Variants in CDH13 observed in about 807,000 individuals in gnomAD.
The protein encoded by CDH13 is cadherin 13.
CDH13 carries 24 observed loss-of-function variants against 63.8 expected under a neutral mutation model. That is an observed-to-expected ratio of 0.38 (90% CI 0.27 to 0.53). CDH13 has a LOEUF of 0.53. Among genes scored for constraint, CDH13 ranks in the 20% least tolerant of loss-of-function variants. The pLI is 0.85. For synonymous variants in CDH13, 503 were observed against 355.3 expected (o/e 1.42, Z -4.67); for missense variants, 1,049 against 903.1 (o/e 1.16, Z -2.07).
At position 83,602,611 on chromosome 16, in the gene CDH13, A is replaced by G. The variant is rs770619239; in HGVS notation, c.1101+17A>G. On this transcript the variant is annotated intron_variant, in intron 8 of 13. Transcript: ENST00000567109. Reference sequence around the variant, plus strand: ...AAGAAAGAGGTAAACCCCTGTGCCAAACACCAACCACCACTGTGGTCACAG... The same window carrying G: ...AAGAAAGAGGTAAACCCCTGTGCCAGACACCAACCACCACTGTGGTCACAG... The G allele has an allele frequency of 6.8e-6, 11 of 1,613,594 alleles. No individual in the cohort carries two copies. The highest frequency in any genetic ancestry group is 9.3e-6 in the Non-Finnish European group (11 of 1,179,538).
intron 3 of CDH13, among the ~76,000 whole-genome samples, chr16:83,049,413 C>T (rs1041035708): frequency 6.9e-6 from 1 of 144,822 alleles, no homozygotes; most frequent in East Asian, 2.1e-4. Context: ...CTATTCACTG[C>T]AAGCTCCACC....
chr16:82,785,291 G>T (rs2035952918), intron 1 of CDH13, among the ~76,000 whole-genome samples: 1 of 152,154 alleles, frequency 6.6e-6, no homozygotes, highest in African/African-American at 2.4e-5. Flanking sequence ...TTGGCACTTG[G>T]CTCATTTGAA....
At chr16:83,470,290 C>T (rs2073421622) in intron 6 of CDH13, among the ~76,000 whole-genome samples, 1 of 152,152 alleles carries the variant, frequency 6.6e-6, no homozygotes, top group Non-Finnish European at 1.5e-5. Flanking sequence ...CTCCTGAGCT[C>T]AAACAATCCT....
chr16:82,974,448 G>C (rs3859085), intron 2 of CDH13, among the ~76,000 whole-genome samples: 8,834 of 152,194 alleles, frequency 0.058, 281 homozygotes, highest in Non-Finnish European at 0.077. Flanking sequence ...AGGTTCCTTG[G>C]CTTATATTTG....
At chr16:83,777,106 C>T (rs1439111112) in intron 11 of CDH13, among the ~76,000 whole-genome samples, 1 of 152,242 alleles carries the variant, frequency 6.6e-6, no homozygotes, top group African/African-American at 2.4e-5. Context: ...GCTCGAGCTG[C>T]ACACATCATG....
chr16:82,694,526 C>T (rs74757718), intron 1 of CDH13, among the ~76,000 whole-genome samples: 4 of 152,118 alleles, frequency 2.6e-5, no homozygotes, highest in Admixed American at 6.5e-5. Flanking sequence ...TATGATTATA[C>T]TAAGACTATA....
intron 10 of CDH13, among the ~76,000 whole-genome samples, chr16:83,745,935 A>T (rs939147779): frequency 6.6e-6 from 1 of 152,090 alleles, no homozygotes; most frequent in Non-Finnish European, 1.5e-5. Context: ...CTGAGTCACT[A>T]AGTTAGCTGG....
chr16:83,064,293 C>G (rs565680154), intron 3 of CDH13, among the ~76,000 whole-genome samples: 1 of 152,014 alleles, frequency 6.6e-6, no homozygotes, highest in South Asian at 2.1e-4. Context: ...CGCTTGAACC[C>G]GGGAGGTGGA....
chr16:82,676,385 A>G (rs894694393), intron 1 of CDH13, among the ~76,000 whole-genome samples: 3 of 151,846 alleles, frequency 2.0e-5, no homozygotes, highest in Admixed American at 6.6e-5. Context: ...CTCACAGTCA[A>G]TTAAAATTCT....
At chr16:82,842,811 C>G (rs1328842926) in intron 1 of CDH13, among the ~76,000 whole-genome samples, 1 of 152,158 alleles carries the variant, frequency 6.6e-6, no homozygotes, top group Non-Finnish European at 1.5e-5. Flanking sequence ...ACAGTCTCAT[C>G]TAGGGTGATG....
rs116510688 is a variant in CDH13 at position 82,865,189 on chromosome 16, G to A, written c.157+6716G>A. On this transcript the variant is annotated intron_variant, in intron 2 of 13. Coordinates refer to ENST00000567109, the MANE Select transcript of CDH13 (RefSeq NM_001257.5). ...GGCGTTGAGTGTCTGTAGCTTTTCCGGGAGGACAGTGCAAGCTGTCAATGG... is the reference window on the plus strand; with the variant it reads ...GGCGTTGAGTGTCTGTAGCTTTTCCAGGAGGACAGTGCAAGCTGTCAATGG... Among the ~76,000 whole-genome samples, 1,405 of 152,258 alleles carry A rather than the reference G, an allele frequency of 9.2e-3. 24 individuals are homozygous for A. The highest frequency in any genetic ancestry group is 0.032 in the African/African-American group (1,318 of 41,548).
rs904455929 is a variant in CDH13 at position 83,433,387 on chromosome 16, CT to C, written c.782-53087del. Among the ~76,000 whole-genome samples the C allele has an allele frequency of 1.3e-5, 2 of 152,168 alleles. 1 individual carries two copies. Among genetic ancestry groups the C allele is most frequent in the Non-Finnish European group, 2.9e-5 (2 of 68,036 alleles). ...GCAAAAAATGAGAAACACGAAAAAG[CT>C]TTGTGACTTCTAATTCAGCATTTAT... On this transcript the variant is annotated intron_variant, in intron 6 of 13. Coordinates refer to ENST00000567109, the MANE Select transcript of CDH13 (RefSeq NM_001257.5).
chr16:82,716,972 T>C (rs1010852070), intron 1 of CDH13, among the ~76,000 whole-genome samples: 2 of 152,002 alleles, frequency 1.3e-5, no homozygotes, highest in African/African-American at 4.8e-5. Context: ...AGAGATTCCT[T>C]CGTCCAGACA....
intron 1 of CDH13, among the ~76,000 whole-genome samples, chr16:82,649,032 T>A (rs1163986133): frequency 6.6e-6 from 1 of 152,130 alleles, no homozygotes; most frequent in African/African-American, 2.4e-5. Context: ...GATTCCAACA[T>A]TTTAAAGCAT....
intron 11 of CDH13, among the ~76,000 whole-genome samples, chr16:83,762,611 C>G (rs1345850): frequency 6.6e-6 from 1 of 151,978 alleles, no homozygotes; most frequent in Admixed American, 6.6e-5. Context: ...CAGGCGATTT[C>G]TCGTAAGGGT....
Position 82,977,630 on chromosome 16 carries a change from C to T in CDH13, c.158-54380C>T, listed in dbSNP as rs373010870. 5.3e-5 allele frequency among the ~76,000 whole-genome samples: 8 copies of T among 152,140 alleles called. No individual in the cohort carries two copies. The East Asian group carries it at 9.7e-4, about 18-fold the overall frequency. On this transcript the variant is annotated intron_variant, in intron 2 of 13. Transcript: ENST00000567109. ...CTCCCAGACCTGCAGAACCGTGAGTCAATTGAACCTCTTTCCTTTATAAAT... is the reference window on the plus strand; with the variant it reads ...CTCCCAGACCTGCAGAACCGTGAGTTAATTGAACCTCTTTCCTTTATAAAT...
At chr16:83,041,934 C>T (rs552207274) in intron 3 of CDH13, among the ~76,000 whole-genome samples, 1 of 152,156 alleles carries the variant, frequency 6.6e-6, no homozygotes, top group African/African-American at 2.4e-5. Flanking sequence ...AGTGAAGTAG[C>T]CAGTAAGTTG....
intron 1 of CDH13, among the ~76,000 whole-genome samples, chr16:82,632,853 A>G (rs530902954): frequency 1.3e-5 from 2 of 152,208 alleles, no homozygotes; most frequent in Admixed American, 6.5e-5. Flanking sequence ...TTTTTCTGCC[A>G]CTAGATGGTC....
At chr16:82,669,405 C>G (rs1235459433) in intron 1 of CDH13, among the ~76,000 whole-genome samples, 1 of 152,186 alleles carries the variant, frequency 6.6e-6, no homozygotes, top group African/African-American at 2.4e-5. Context: ...TTGATAAAGT[C>G]TACAGAGAAA....
Sources: allele counts gnomAD v4.1 joint callset (sites outside exome capture counted in the v4.1 genomes callset), GRCh38; gene constraint gnomAD v4.1.1; transcripts MANE v1.5; gene names NCBI Gene and HGNC (gene_info 2026-07-23, HGNC 2026-07-21).